SNX29: variants seen among roughly 807,000 people sequenced by gnomAD.
SNX29 encodes sorting nexin 29.
Under a neutral mutation model 102.1 loss-of-function variants are expected in SNX29, and 78 were observed. The ratio of observed to expected loss-of-function variants is 0.76; its 90% CI spans 0.64 to 0.92. The LOEUF is 0.92. SNX29 is among the 40% of genes least tolerant of loss of function. SNX29 has a pLI of 0.00. For missense variants in SNX29, 1,280 were observed against 1,061.7 expected (o/e 1.21, Z -2.86); for synonymous variants, 580 against 414.5 (o/e 1.40, Z -4.85).
At chr16:12,379,521 G>A (rs1307635958) in intron 16 of SNX29, among the ~76,000 whole-genome samples, 3 of 152,184 alleles carry the variant, frequency 2.0e-5, no homozygotes, top group African/African-American at 7.2e-5. Flanking sequence ...CATGGGTCCA[G>A]GACTGTGCCC....
At position 12,568,675 on chromosome 16, in the gene SNX29, C is replaced by T. The variant is rs377679412; in HGVS notation, c.*46C>T. 181 of 1,587,488 alleles carry T rather than the reference C, an allele frequency of 1.1e-4. No homozygotes were observed. Among genetic ancestry groups the T allele is most frequent in the Middle Eastern group, 3.3e-4 (2 of 6,000 alleles). On this transcript the variant is annotated 3_prime_UTR_variant, in exon 21 of 21. Transcript: ENST00000566228. Reference sequence around the variant, plus strand: ...CGGGCCCTGTGCGTGGCACCAGCTGCGTCCACCCCAGCCACTGCCGCTGGC... The same window carrying T: ...CGGGCCCTGTGCGTGGCACCAGCTGTGTCCACCCCAGCCACTGCCGCTGGC...
intron 14 of SNX29, among the ~76,000 whole-genome samples, chr16:12,274,405 T>C (rs935374968): frequency 1.3e-5 from 2 of 152,250 alleles, no homozygotes; most frequent in African/African-American, 4.8e-5. Flanking sequence ...TGGACATTCA[T>C]TGAACTCTTC....
chr16:12,286,312 T>G (rs1836373371), intron 15 of SNX29, among the ~76,000 whole-genome samples: 1 of 151,768 alleles, frequency 6.6e-6, no homozygotes, highest in African/African-American at 2.4e-5. Context: ...CCCACTGAAG[T>G]GTGAATGACT....
intron 16 of SNX29, among the ~76,000 whole-genome samples, chr16:12,383,687 C>T (rs1198948964): frequency 6.6e-6 from 1 of 151,534 alleles, no homozygotes; most frequent in Non-Finnish European, 1.5e-5. Context: ...CTCTCCACCT[C>T]AGCCTCTCAA....
At position 12,129,749 on chromosome 16, in the gene SNX29, C is replaced by A; in HGVS notation, c.1586C>A (p.Ala529Glu). The A allele has an allele frequency of 6.2e-7, 1 of 1,606,972 alleles. No homozygotes were observed. Among genetic ancestry groups the A allele is most frequent in the South Asian group, 1.1e-5 (1 of 89,766 alleles). ...GAGCGGCAGGGCATGAAGGTCCAGGCGCTGGCCAGGTAGGAGAGGGTGAGG... is the reference window on the plus strand; with the variant it reads ...GAGCGGCAGGGCATGAAGGTCCAGGAGCTGGCCAGGTAGGAGAGGGTGAGG... ...QEERQGMKVQ[A>E]LARENEVLKV... The change falls in exon 13 of 21, where the codon GCG becomes GAG. Residue 529 changes from alanine to glutamate, a missense_variant. Coordinates refer to ENST00000566228, the MANE Select transcript of SNX29 (RefSeq NM_032167.5).
chr16:12,526,226 C>T (rs1160259112), intron 20 of SNX29, among the ~76,000 whole-genome samples: 1 of 152,072 alleles, frequency 6.6e-6, no homozygotes, highest in African/African-American at 2.4e-5. Flanking sequence ...AATGGTGTTG[C>T]TGGGTTCAAA....
At chr16:12,553,588 T>TCCCAACC (rs2078130391) in intron 20 of SNX29, among the ~76,000 whole-genome samples, 1 of 131,032 alleles carries the variant, frequency 7.6e-6, no homozygotes, top group Admixed American at 7.8e-5. Context: ...GATGCTTTGT[T>TCCCAACC]CCCCACCCCC....
chr16:12,442,983 A>AT (rs113028573), intron 18 of SNX29: 85 of 455,526 alleles, frequency 1.9e-4, no homozygotes, highest in African/African-American at 1.5e-3. Flanking sequence ...TTTTCTTTTG[A>AT]TTTTTTTCCA....
At chr16:12,272,210 T>C (rs1257120716) in intron 14 of SNX29, among the ~76,000 whole-genome samples, 1 of 152,190 alleles carries the variant, frequency 6.6e-6, no homozygotes, top group Non-Finnish European at 1.5e-5. Flanking sequence ...TCTTCTTAAA[T>C]ATAGTCCTAG....
chr16:12,573,663 TGTAG>T lies in SNX29; in HGVS notation c.*5038_*5041del, dbSNP rs1175702126. On this transcript the variant is annotated 3_prime_UTR_variant, in exon 21 of 21. Transcript: ENST00000566228. Reference sequence around the variant, plus strand: ...GGAACCACCACTCATTCACTGTCAGTGTAGGTAAGACAGAGGATGCCCTTGCAAA... The same window carrying T: ...GGAACCACCACTCATTCACTGTCAGTGTAAGACAGAGGATGCCCTTGCAAA... 4.5e-6 allele frequency: 1 copy of T among 222,540 alleles called. No homozygotes were observed. The highest frequency in any genetic ancestry group is 9.0e-6 in the Non-Finnish European group (1 of 111,300). The allele number at this position is 222,540 out of a possible 1,614,324, so 13.8% of individuals were successfully genotyped here. A position where few individuals can be genotyped will look rare whatever the true frequency, so the allele number is the denominator to read the frequency against.
chr16:12,299,844 G>C (rs34788969), intron 15 of SNX29, among the ~76,000 whole-genome samples: 7 of 141,370 alleles, frequency 5.0e-5, no homozygotes, highest in African/African-American at 1.8e-4. Flanking sequence ...TCTTACACTA[G>C]AAATCTCTTA....
At position 12,570,288 on chromosome 16, in the gene SNX29, G is replaced by C. The variant is rs939229967; in HGVS notation, c.*1659G>C. ...GAGGTGCGGACCCTGCAGTCAGTTT[G>C]CGAGTGTGGAGGACCCGAGACATCC... On this transcript the variant is annotated 3_prime_UTR_variant, in exon 21 of 21. Transcript: ENST00000566228. 1.2e-5 allele frequency: 13 copies of C among 1,061,008 alleles called. No homozygotes were observed. The East Asian group carries it at 6.0e-4, about 49-fold the overall frequency. 65.7% of individuals were successfully genotyped at this position (1,061,008 alleles called of 1,614,324 possible).
chr16:12,267,700 C>A (rs992828042), intron 14 of SNX29, among the ~76,000 whole-genome samples: 2 of 152,212 alleles, frequency 1.3e-5, no homozygotes, highest in African/African-American at 4.8e-5. Context: ...TGGGTAACCG[C>A]ATTCCTCGCA....
intron 20 of SNX29, among the ~76,000 whole-genome samples, chr16:12,559,550 G>A (rs1294259865): frequency 1.3e-5 from 2 of 151,944 alleles, no homozygotes; most frequent in African/African-American, 2.4e-5. Context: ...CCCTACATCT[G>A]TGGAAAATTT....
chr16:12,150,640 A>G (rs2055258924), intron 13 of SNX29, among the ~76,000 whole-genome samples: 1 of 152,208 alleles, frequency 6.6e-6, no homozygotes, highest in South Asian at 2.1e-4. Context: ...ATTTTTGTCC[A>G]GTGATCACAT....
rs2079222177 is a variant in SNX29 at position 12,573,115 on chromosome 16, ACAATC to A, written c.*4487_*4491del. The A allele has an allele frequency of 4.4e-6, 1 of 229,530 alleles. No individual in the cohort carries two copies. Among genetic ancestry groups the A allele is most frequent in the East Asian group, 6.2e-5 (1 of 16,018 alleles). The allele number at this position is 229,530 out of a possible 1,614,324, so 14.2% of individuals were successfully genotyped here. A position where few individuals can be genotyped will look rare whatever the true frequency, so the allele number is the denominator to read the frequency against. The stretch of plus-strand genomic sequence containing the variant: ...GTTCATCTTTATGTTTTTCTAATAC[ACAATC>A]TTGATCTTGTTTCCAAAATAAAGCT... On this transcript the variant is annotated 3_prime_UTR_variant, in exon 21 of 21. Transcript: ENST00000566228.
intron 18 of SNX29, among the ~76,000 whole-genome samples, chr16:12,469,681 C>G (rs1367845249): frequency 6.6e-6 from 1 of 152,190 alleles, no homozygotes. Context: ...GAGCGCATTT[C>G]TTAGTTGCTC....
At chr16:12,460,003 A>G (rs918434159) in intron 18 of SNX29, among the ~76,000 whole-genome samples, 2 of 152,232 alleles carry the variant, frequency 1.3e-5, no homozygotes, top group Non-Finnish European at 2.9e-5. Flanking sequence ...TATACCGAAC[A>G]GAAGCATGGC....
chr16:12,467,851 G>A (rs1423768093), intron 18 of SNX29, among the ~76,000 whole-genome samples: 5 of 152,162 alleles, frequency 3.3e-5, no homozygotes, highest in Non-Finnish European at 7.3e-5. Context: ...GCTGGGGTCA[G>A]CACTGACAGT....
Sources: allele counts gnomAD v4.1 joint callset (sites outside exome capture counted in the v4.1 genomes callset), GRCh38; gene constraint gnomAD v4.1.1; transcripts MANE v1.5; gene names NCBI Gene and HGNC (gene_info 2026-07-23, HGNC 2026-07-21).